Variants in EXOC6 observed in about 807,000 individuals in gnomAD.
EXOC6 encodes SEC15-like 1.
EXOC6 carries 60 observed loss-of-function variants against 112.5 expected under a neutral mutation model. The observed-to-expected ratio is 0.53, with a 90% CI of 0.43 to 0.66. The LOEUF (loss-of-function observed/expected upper bound fraction) is 0.66, where lower values mean the gene tolerates loss of function less well. EXOC6 is among the 30% of genes least tolerant of loss of function. The probability of loss-of-function intolerance (pLI) is 0.00; values close to 1 mark genes in which losing one functional copy is unlikely to be tolerated. For missense variants in EXOC6, 855 were observed against 957.1 expected, an observed-to-expected ratio of 0.89 and a Z score of 1.41; for synonymous variants, 295 against 308.0, an observed-to-expected ratio of 0.96 and a Z score of 0.44.
intron 20 of EXOC6, among the ~76,000 whole-genome samples, chr10:93,053,068 GT>G (rs1463881146): frequency 1.2e-4 from 19 of 152,312 alleles, no homozygotes; most frequent in Non-Finnish European, 2.6e-4. Context: ...AGTGCATCCT[GT>G]GAAGCCTAAC....
chr10:92,876,134 A>C (rs76112200), intron 1 of EXOC6, among the ~76,000 whole-genome samples: 1 of 152,154 alleles, frequency 6.6e-6, no homozygotes, highest in African/African-American at 2.4e-5. Flanking sequence ...TAAAGTACAT[A>C]TATCTTAGCT....
chr10:92,912,402 G>T (rs993697934), intron 6 of EXOC6, among the ~76,000 whole-genome samples: 1 of 151,972 alleles, frequency 6.6e-6, no homozygotes, highest in Non-Finnish European at 1.5e-5. Context: ...GGTCCAGGGG[G>T]GTCACTGCCT....
At chr10:93,021,190 A>G (rs543050849) in intron 20 of EXOC6, among the ~76,000 whole-genome samples, 3 of 152,044 alleles carry the variant, frequency 2.0e-5, no homozygotes, top group African/African-American at 7.2e-5. Context: ...CCATAAGAAA[A>G]AAGATACAGG....
At chr10:92,927,962 A>G (rs1269054522) in intron 8 of EXOC6, among the ~76,000 whole-genome samples, 2 of 152,164 alleles carry the variant, frequency 1.3e-5, no homozygotes, top group African/African-American at 2.4e-5. Flanking sequence ...CTTGTATAAC[A>G]TGCTCATGTT....
In EXOC6 at chr10:93,051,097, G is replaced by A. The variant is rs574268818; in HGVS notation, c.2170-5827G>A. Among the ~76,000 whole-genome samples, 582 of 149,854 alleles carry A rather than the reference G, an allele frequency of 3.9e-3. 20 individuals are homozygous for A. Among genetic ancestry groups the A allele is most frequent in the Non-Finnish European group, 7.7e-4 (52 of 67,582 alleles). ...CCAAAAAGAAAAAAATCAAAATAAAGCAAATATGGATGTGTGTAAATCCAA... is the reference window on the plus strand; with the variant it reads ...CCAAAAAGAAAAAAATCAAAATAAAACAAATATGGATGTGTGTAAATCCAA... On this transcript the variant is annotated intron_variant, in intron 20 of 21. Coordinates refer to ENST00000260762, the MANE Select transcript of EXOC6 (RefSeq NM_019053.6).
chr10:92,996,299 A>T (rs191324216), intron 18 of EXOC6, among the ~76,000 whole-genome samples: 2 of 152,266 alleles, frequency 1.3e-5, no homozygotes, highest in Admixed American at 1.3e-4. Flanking sequence ...ATGCAGGAGA[A>T]CTTTACCTAA....
Position 92,919,516 on chromosome 10 carries a change from T to A in EXOC6, c.820-466T>A, listed in dbSNP as rs147588981. On this transcript the variant is annotated intron_variant, in intron 7 of 21. Transcript: ENST00000260762. ...TATAGTTTTAAGTGGTGGTGTTTTT[T>A]CTTTCTTAGCAGTCTGTAAAATAAT... Among the ~76,000 whole-genome samples, 778 of 152,318 alleles carry A rather than the reference T, an allele frequency of 5.1e-3. 6 individuals carry two copies. Among genetic ancestry groups the A allele is most frequent in the African/African-American group, 0.015 (635 of 41,580 alleles).
chr10:92,838,072 T>C (rs1482121735), intron 1 of EXOC6, among the ~76,000 whole-genome samples: 1 of 152,140 alleles, frequency 6.6e-6, no homozygotes, highest in Non-Finnish European at 1.5e-5. Flanking sequence ...CCTAAAAAGG[T>C]GAGCTCAGAG....
intron 1 of EXOC6, among the ~76,000 whole-genome samples, chr10:92,865,643 C>T (rs889993425): frequency 4.6e-5 from 7 of 151,806 alleles, no homozygotes; most frequent in African/African-American, 1.7e-4. Context: ...GACAGAGTTT[C>T]ACCATGTTGG....
intron 20 of EXOC6, among the ~76,000 whole-genome samples, chr10:93,015,508 T>C (rs1171946658): frequency 1.3e-5 from 2 of 152,148 alleles, no homozygotes; most frequent in Non-Finnish European, 2.9e-5. Flanking sequence ...CCGAGGCGGA[T>C]GGATCACAAG....
At chr10:93,054,812 A>G (rs972188151) in intron 20 of EXOC6, among the ~76,000 whole-genome samples, 1 of 152,238 alleles carries the variant, frequency 6.6e-6, no homozygotes, top group African/African-American at 2.4e-5. Flanking sequence ...TATACCTGAA[A>G]GAAGAATCCT....
intron 9 of EXOC6, among the ~76,000 whole-genome samples, chr10:92,928,701 G>A (rs550678727): frequency 6.7e-5 from 10 of 149,146 alleles, no homozygotes; most frequent in African/African-American, 2.4e-4. Context: ...GGGAATGATA[G>A]TTTCTGACAA....
chr10:92,840,995 T>C (rs990585045), intron 1 of EXOC6, among the ~76,000 whole-genome samples: 10 of 152,312 alleles, frequency 6.6e-5, no homozygotes, highest in South Asian at 2.1e-4. Flanking sequence ...ACTGTCTGTT[T>C]ACAGTGTAGA....
At chr10:92,971,297 G>A (rs1842285454) in intron 17 of EXOC6, among the ~76,000 whole-genome samples, 1 of 152,088 alleles carries the variant, frequency 6.6e-6, no homozygotes, top group African/African-American at 2.4e-5. Context: ...ACCCGCCTTG[G>A]CCTCCCAAAG....
At chr10:92,985,999 A>C (rs1472907721) in intron 18 of EXOC6, among the ~76,000 whole-genome samples, 1 of 152,018 alleles carries the variant, frequency 6.6e-6, no homozygotes, top group East Asian at 1.9e-4. Flanking sequence ...ATATCCTTAA[A>C]AATTGGTTTT....
chr10:92,998,510 C>G (rs1843595935), intron 19 of EXOC6, among the ~76,000 whole-genome samples: 1 of 151,788 alleles, frequency 6.6e-6, no homozygotes, highest in Admixed American at 6.6e-5. Context: ...TTTTTTTCAA[C>G]AGATATCAAA....
chr10:92,889,650 G>A (rs550388565), intron 1 of EXOC6, among the ~76,000 whole-genome samples: 1 of 152,012 alleles, frequency 6.6e-6, no homozygotes, highest in South Asian at 2.1e-4. Context: ...CTGTTCCATT[G>A]ATCTGTTTGT....
chr10:92,999,203 C>CTTT (rs768506467), intron 19 of EXOC6: 51 of 352,240 alleles, frequency 1.4e-4, no homozygotes, highest in South Asian at 1.7e-4. Flanking sequence ...CTAAGAAACA[C>CTTT]TTTTTTTTTT....
chr10:92,992,800 A>G (rs1003912243), intron 18 of EXOC6, among the ~76,000 whole-genome samples: 2 of 151,828 alleles, frequency 1.3e-5, no homozygotes, highest in African/African-American at 2.4e-5. Context: ...AAGAGCTACA[A>G]TTTATAACAT....
Sources: gnomAD v4.1 joint callset for allele counts (sites outside exome capture counted in the v4.1 genomes callset) on GRCh38, gnomAD v4.1.1 for gene constraint, MANE v1.5 for transcripts, NCBI Gene and HGNC (gene_info 2026-07-23, HGNC 2026-07-21) for gene names.